The following PDE12 variants were observed in gnomAD, a reference collection of about 807,000 sequenced individuals.
The protein encoded by PDE12 is 2',5'-phosphodiesterase 12.
A neutral mutation model predicts 45.4 loss-of-function variants in PDE12; 26 were observed. The observed-to-expected ratio is 0.57, with a 90% CI of 0.42 to 0.79. The LOEUF (loss-of-function observed/expected upper bound fraction) is 0.79, where lower values mean the gene tolerates loss of function less well. Among genes scored for constraint, PDE12 ranks in the 30% least tolerant of loss-of-function variants. The pLI is 0.00. For synonymous variants in PDE12, 283 were observed against 323.9 expected (o/e 0.87, Z 1.36); for missense variants, 668 against 790.0 (o/e 0.85, Z 1.85).
chr3:57,596,239 C>T, the PDE12 span, among the ~76,000 whole-genome samples: 202 of 152,082 alleles, frequency 1.3e-3, no homozygotes, highest in Non-Finnish European at 2.6e-3. Context: ...TACTATTTAA[C>T]AAGACTACCA....
the PDE12 span, among the ~76,000 whole-genome samples, chr3:57,576,228 T>A: frequency 6.6e-6 from 1 of 152,090 alleles, no homozygotes; most frequent in Non-Finnish European, 1.5e-5. Context: ...AAAAAATCAG[T>A]CACAAAAGAA....
the PDE12 span, among the ~76,000 whole-genome samples, chr3:57,638,546 G>A: frequency 2.6e-5 from 4 of 151,794 alleles, no homozygotes; most frequent in Admixed American, 6.6e-5. Flanking sequence ...TAATCTCAGC[G>A]ACTCGGGGAG....
chr3:57,560,031 G>A lies in PDE12; in HGVS notation c.*27G>A. ...TGTGTGTTTAATGGAATTGAAGTCTGAAAAGGAAGTAGTTATTTTAGCAGA... is the reference window on the plus strand; with the variant it reads ...TGTGTGTTTAATGGAATTGAAGTCTAAAAAGGAAGTAGTTATTTTAGCAGA... On this transcript the variant is annotated 3_prime_UTR_variant, in exon 3 of 3. Transcript: ENST00000311180. 6.4e-7 allele frequency: 1 copy of A among 1,559,928 alleles called. No individual in the cohort carries two copies.
chr3:57,587,334 A>T, the PDE12 span, among the ~76,000 whole-genome samples: 1 of 151,418 alleles, frequency 6.6e-6, no homozygotes, highest in Non-Finnish European at 1.5e-5. Flanking sequence ...AAAAAAAAAA[A>T]AAAAAAAAGT....
chr3:57,575,810 AC>A, the PDE12 span: 1 of 958,180 alleles, frequency 1.0e-6, no homozygotes, highest in Non-Finnish European at 1.5e-6. Flanking sequence ...GTTCACTCTT[AC>A]AACTGAAGTC....
chr3:57,571,542 C>T (rs2069843314), downstream of PDE12: 1 of 152,490 alleles, frequency 6.6e-6, no homozygotes, highest in Non-Finnish European at 1.5e-5. Context: ...AAGCAACATG[C>T]AACATAAAAA....
At chr3:57,619,753 G>A in the PDE12 span, among the ~76,000 whole-genome samples, 3 of 152,136 alleles carry the variant, frequency 2.0e-5, no homozygotes, top group East Asian at 1.9e-4. Context: ...AGGAGGCTGA[G>A]GCAGGACAGT....
At chr3:57,591,700 C>T in the PDE12 span, among the ~76,000 whole-genome samples, 3 of 152,004 alleles carry the variant, frequency 2.0e-5, no homozygotes, top group Non-Finnish European at 2.9e-5. Context: ...CTCCTGACCT[C>T]GTGATCTGCC....
chr3:57,613,238 C>T, the PDE12 span, among the ~76,000 whole-genome samples: 2 of 151,310 alleles, frequency 1.3e-5, no homozygotes, highest in East Asian at 3.9e-4. Flanking sequence ...GCCTCGGCCT[C>T]CCAAAGTGCT....
the PDE12 span, chr3:57,641,660 T>G: frequency 6.2e-7 from 1 of 1,611,262 alleles, no homozygotes; most frequent in Non-Finnish European, 8.5e-7. Flanking sequence ...TACCTGTAGG[T>G]TTAAGGTCTC....
chr3:57,627,364 GGACTCTC>G, the PDE12 span: 1 of 151,940 alleles, frequency 6.6e-6, no homozygotes, highest in Non-Finnish European at 1.5e-5. Context: ...GGCTGGTCTT[GGACTCTC>G]GACCTTAAGT....
At position 57,561,577 on chromosome 3, in the gene PDE12, G is replaced by C; in HGVS notation, c.*1573G>C. ...ATACATTATTTATAATGCATTAGCT[G>C]TATTAGCTGTTGCTTTTTTGATGTT... On this transcript the variant is annotated 3_prime_UTR_variant, in exon 3 of 3. Coordinates refer to ENST00000311180, the MANE Select transcript of PDE12 (RefSeq NM_177966.7). 2.0e-6 allele frequency: 2 copies of C among 984,592 alleles called. No individual in the cohort carries two copies. The highest frequency in any genetic ancestry group is 2.4e-6 in the Non-Finnish European group (2 of 829,274). The allele number at this position is 984,592 out of a possible 1,614,324, so 61.0% of individuals were successfully genotyped here. A position where few individuals can be genotyped will look rare whatever the true frequency, so the allele number is the denominator to read the frequency against.
At chr3:57,655,540 A>C in the PDE12 span, among the ~76,000 whole-genome samples, 1 of 152,218 alleles carries the variant, frequency 6.6e-6, no homozygotes, top group African/African-American at 2.4e-5. Context: ...TGATGCCACA[A>C]GTGGAAAATT....
downstream of PDE12, among the ~76,000 whole-genome samples, chr3:57,570,066 T>A (rs7635607): frequency 6.6e-6 from 1 of 151,756 alleles, no homozygotes; most frequent in Non-Finnish European, 1.5e-5. Context: ...TTTTATCCTA[T>A]AGGAAATGAC....
Position 57,561,911 on chromosome 3 carries a change from G to A in PDE12, c.*1907G>A, listed in dbSNP as rs184784715. On this transcript the variant is annotated 3_prime_UTR_variant, in exon 3 of 3. Transcript: ENST00000311180. Reference sequence around the variant, plus strand: ...GGAAAATTAAAGTGGAAGTTTCTTCGGATCTTGTTTAGAAAAAACTATAAA... The same window carrying A: ...GGAAAATTAAAGTGGAAGTTTCTTCAGATCTTGTTTAGAAAAAACTATAAA... The A allele has an allele frequency of 8.1e-4, 793 of 984,818 alleles. 2 individuals carry two copies. The highest frequency in any genetic ancestry group is 6.8e-3 in the Middle Eastern group (13 of 1,914). The allele number at this position is 984,818 out of a possible 1,614,324, so 61.0% of individuals were successfully genotyped here. A position where few individuals can be genotyped will look rare whatever the true frequency, so the allele number is the denominator to read the frequency against.
In PDE12 at chr3:57,557,386, A is replaced by G. The variant is rs1453744989; in HGVS notation, c.1007A>G (p.Gln336Arg). The G allele has an allele frequency of 1.2e-6, 2 of 1,613,890 alleles. No homozygotes were observed. The highest frequency in any genetic ancestry group is 3.3e-5 in the Admixed American group (2 of 59,994). ...LELDYRQNLI[Q>R]KELTGYNADV... ...CTCGACTACCGCCAGAACCTTATCC[A>G]GAAGGAACTCACCGGCTACAACGCC... Residue 336 changes from glutamine to arginine, a missense_variant, in exon 1 of 3, where the codon CAG becomes CGG. Gln to Arg is a conservative substitution (Grantham distance 43). Transcript: ENST00000311180.
At chr3:57,628,461 C>A in the PDE12 span, 1 of 1,363,928 alleles carries the variant, frequency 7.3e-7, no homozygotes, top group East Asian at 2.5e-5. Flanking sequence ...CAGTCTTAGA[C>A]CAGAAATTAC....
chr3:57,581,131 G>C, the PDE12 span, among the ~76,000 whole-genome samples: 2 of 152,208 alleles, frequency 1.3e-5, no homozygotes, highest in African/African-American at 2.4e-5. Flanking sequence ...GGAATTATAA[G>C]AGGAATTTAC....
In PDE12 at chr3:57,560,229, TACTAGCAAAATAGAAA is replaced by T. The variant is rs2069713415; in HGVS notation, c.*227_*242del. The T allele has an allele frequency of 8.0e-7, 1 of 1,246,544 alleles. No individual in the cohort carries two copies. Among genetic ancestry groups the T allele is most frequent in the African/African-American group, 1.5e-5 (1 of 64,738 alleles). The allele number at this position is 1,246,544 out of a possible 1,614,324, so 77.2% of individuals were successfully genotyped here. A position where few individuals can be genotyped will look rare whatever the true frequency, so the allele number is the denominator to read the frequency against. The stretch of plus-strand genomic sequence containing the variant: ...TTGGAGGAGAAACAAATATATTTCT[TACTAGCAAAATAGAAA>T]ATTGAATTATTTTTCTCCAAATTGA... On this transcript the variant is annotated 3_prime_UTR_variant, in exon 3 of 3. Transcript: ENST00000311180.
Sources: gnomAD v4.1 joint callset for allele counts (sites outside exome capture counted in the v4.1 genomes callset) on GRCh38, gnomAD v4.1.1 for gene constraint, MANE v1.5 for transcripts, NCBI Gene and HGNC (gene_info 2026-07-23, HGNC 2026-07-21) for gene names.